Variants in ADAMTSL3 observed in about 807,000 individuals in gnomAD.
ADAMTSL3 encodes the protein ADAMTS-like protein 3.
A neutral mutation model predicts 201.7 loss-of-function variants in ADAMTSL3; 128 were observed. That is an observed-to-expected ratio of 0.63 (90% confidence interval 0.55 to 0.73). The LOEUF (loss-of-function observed/expected upper bound fraction) is 0.73. ADAMTSL3 is among the 30% of genes least tolerant of loss of function. The pLI is 0.00. For synonymous variants in ADAMTSL3, 738 were observed against 748.4 expected (o/e 0.99, Z 0.23); for missense variants, 1,990 against 2,119.6 (o/e 0.94, Z 1.20).
chr15:83,774,510 G>A (rs527482964), intron 4 of ADAMTSL3, among the ~76,000 whole-genome samples: 2 of 152,310 alleles, frequency 1.3e-5, no homozygotes, highest in South Asian at 4.1e-4. Flanking sequence ...ATGAGAGATT[G>A]TACATGTGGC....
At chr15:83,788,558 GTAA>G (rs1432864173) in intron 4 of ADAMTSL3, among the ~76,000 whole-genome samples, 1 of 152,164 alleles carries the variant, frequency 6.6e-6, no homozygotes, top group Non-Finnish European at 1.5e-5. Flanking sequence ...CTAACATCAA[GTAA>G]TGTTACTGAG....
At position 83,857,248 on chromosome 15, in the gene ADAMTSL3, T is replaced by C. The variant is rs545582169; in HGVS notation, c.728-1518T>C. The stretch of plus-strand genomic sequence containing the variant: ...TTTCCAAGATGTGATTTGCAAATGT[T>C]TTCCCCCATTCCGTGGGTTGCCTCT... On this transcript the variant is annotated intron_variant, in intron 7 of 29. Transcript: ENST00000286744. 5.3e-5 allele frequency among the ~76,000 whole-genome samples: 8 copies of C among 152,284 alleles called. No homozygotes were observed. In the East Asian group the frequency reaches 1.5e-3, roughly 29 times the overall value.
intron 3 of ADAMTSL3, among the ~76,000 whole-genome samples, chr15:83,735,277 T>G (rs554972172): frequency 1.3e-5 from 2 of 152,224 alleles, no homozygotes; most frequent in Admixed American, 1.3e-4. Context: ...ACAGATTTGA[T>G]CTGAGCTTTC....
At chr15:83,775,057 G>T (rs1321873784) in intron 4 of ADAMTSL3, among the ~76,000 whole-genome samples, 1 of 152,114 alleles carries the variant, frequency 6.6e-6, no homozygotes, top group South Asian at 2.1e-4. Context: ...ATATTGGCCA[G>T]GCTGGTCTTG....
intron 2 of ADAMTSL3, among the ~76,000 whole-genome samples, chr15:83,671,157 A>G (rs2061325002): frequency 6.6e-6 from 1 of 152,200 alleles, no homozygotes; most frequent in Admixed American, 6.5e-5. Flanking sequence ...TTTTATATCA[A>G]GATTTTCAGT....
In ADAMTSL3 at chr15:83,982,820, C is replaced by T; in HGVS notation, c.3192C>T (p.Ser1064=). Residue 1064 remains serine, a synonymous_variant, in exon 21 of 30, where the codon AGC becomes AGT. Transcript: ENST00000286744. ...PFLRALLGHC[S]NSAGSTNSWE... is the part of the protein sequence containing the mutation. ...TGAGAGCTCTGTTAGGCCACTGCAG[C>T]AATTCTGCAGGAAGCACCAACTCCT... 6.2e-7 allele frequency: 1 copy of T among 1,614,104 alleles called. No homozygotes were observed. Among genetic ancestry groups the T allele is most frequent in the Non-Finnish European group, 8.5e-7 (1 of 1,180,038 alleles).
At chr15:84,026,039 A>T (rs1446997637) in intron 27 of ADAMTSL3, among the ~76,000 whole-genome samples, 1 of 152,220 alleles carries the variant, frequency 6.6e-6, no homozygotes, top group Non-Finnish European at 1.5e-5. Flanking sequence ...TGGCATTCAC[A>T]TGGGAGATAA....
In ADAMTSL3 at chr15:84,013,525, G is replaced by A. The variant is rs114992088; in HGVS notation, c.3974-1017G>A. ...AGCTCTTAAGAGCCAGATGAGGTCA[G>A]GTGCAGTGGGAGGCTGAGGCGGGGG... On this transcript the variant is annotated intron_variant, in intron 23 of 29. Transcript: ENST00000286744. Among the ~76,000 whole-genome samples the A allele has an allele frequency of 5.6e-3, 860 of 152,308 alleles. 11 individuals are homozygous for A. Among genetic ancestry groups the A allele is most frequent in the African/African-American group, 0.02 (828 of 41,580 alleles).
intron 2 of ADAMTSL3, among the ~76,000 whole-genome samples, chr15:83,659,743 C>T (rs1424366556): frequency 6.6e-6 from 1 of 152,136 alleles, no homozygotes; most frequent in African/African-American, 2.4e-5. Flanking sequence ...TATGCAATCA[C>T]AACAGTCCTT....
chr15:83,807,333 G>A (rs769587790), intron 5 of ADAMTSL3, among the ~76,000 whole-genome samples: 83 of 152,192 alleles, frequency 5.5e-4, no homozygotes, highest in African/African-American at 1.6e-3. Context: ...GTGGGCAATC[G>A]TAATCCCAGC....
intron 8 of ADAMTSL3, among the ~76,000 whole-genome samples, chr15:83,867,179 A>G (rs143245041): frequency 6.6e-6 from 1 of 152,356 alleles, no homozygotes; most frequent in African/African-American, 2.4e-5. Context: ...CATTAACTAT[A>G]ACTATCCAAA....
At chr15:83,981,539 A>T (rs929459689) in intron 20 of ADAMTSL3, among the ~76,000 whole-genome samples, 17 of 152,240 alleles carry the variant, frequency 1.1e-4, no homozygotes, top group African/African-American at 4.1e-4. Context: ...CACATTTCAC[A>T]GGTGAGGAAA....
intron 21 of ADAMTSL3, among the ~76,000 whole-genome samples, chr15:83,986,504 T>C (rs1464990576): frequency 6.6e-6 from 1 of 152,214 alleles, no homozygotes; most frequent in African/African-American, 2.4e-5. Flanking sequence ...ATTTCATATG[T>C]CTAATAAAAG....
intron 27 of ADAMTSL3, among the ~76,000 whole-genome samples, chr15:84,025,844 C>A (rs755192011): frequency 6.6e-6 from 1 of 152,072 alleles, no homozygotes; most frequent in African/African-American, 2.4e-5. Flanking sequence ...TGTGTAGGAA[C>A]CCATAAATAA....
intron 4 of ADAMTSL3, among the ~76,000 whole-genome samples, chr15:83,804,404 A>G (rs993273439): frequency 6.6e-6 from 1 of 152,180 alleles, no homozygotes; most frequent in African/African-American, 2.4e-5. Context: ...TAAGAATTGC[A>G]TGTGAGTACT....
intron 2 of ADAMTSL3, among the ~76,000 whole-genome samples, chr15:83,672,658 C>A (rs954411201): frequency 3.9e-5 from 6 of 152,208 alleles, no homozygotes; most frequent in Admixed American, 2.0e-4. Flanking sequence ...TGAAACAAGT[C>A]CAACACCCTT....
intron 3 of ADAMTSL3, among the ~76,000 whole-genome samples, chr15:83,746,160 G>GAA: frequency 6.6e-6 from 1 of 151,586 alleles, no homozygotes; most frequent in African/African-American, 2.4e-5. Flanking sequence ...AAGGAAGAAA[G>GAA]GAGAGAAGAG....
intron 16 of ADAMTSL3, among the ~76,000 whole-genome samples, chr15:83,916,068 C>G (rs1376562660): frequency 6.6e-6 from 1 of 152,156 alleles, no homozygotes; most frequent in Non-Finnish European, 1.5e-5. Context: ...TGACACTTGA[C>G]TAATTGAGGT....
intron 23 of ADAMTSL3, among the ~76,000 whole-genome samples, chr15:83,999,643 C>T (rs1051988260): frequency 1.1e-4 from 16 of 152,160 alleles, no homozygotes; most frequent in Admixed American, 1.0e-3. Context: ...GGGAAGTGAG[C>T]ATCTCACTGG....
Sources: allele counts gnomAD v4.1 joint callset (sites outside exome capture counted in the v4.1 genomes callset), GRCh38; gene constraint gnomAD v4.1.1; transcripts MANE v1.5; gene names NCBI Gene and HGNC (gene_info 2026-07-23, HGNC 2026-07-21).